SLC9A9: variants seen among roughly 807,000 people sequenced by gnomAD.
SLC9A9 encodes solute carrier family 9 member A9, also known as sodium/hydrogen exchanger 9.
Under a neutral mutation model 77.8 loss-of-function variants are expected in SLC9A9, and 62 were observed. The ratio of observed to expected loss-of-function variants is 0.80; its 90% CI spans 0.65 to 0.98. SLC9A9 has a LOEUF of 0.98. Among genes scored for constraint, SLC9A9 ranks in the 50% least tolerant of loss-of-function variants. SLC9A9 has a pLI of 0.00. For synonymous variants in SLC9A9, 320 were observed against 283.5 expected (o/e 1.13, Z -1.29); for missense variants, 775 against 774.9 (o/e 1.00, Z 0.00).
chr3:143,291,396 G>A (rs1030075482), intron 14 of SLC9A9, among the ~76,000 whole-genome samples: 4 of 152,206 alleles, frequency 2.6e-5, no homozygotes, highest in East Asian at 1.9e-4. Context: ...CTCAGGTGGT[G>A]GAAGGCCGGG....
chr3:143,473,891 A>C (rs192487992), intron 11 of SLC9A9, among the ~76,000 whole-genome samples: 2 of 152,340 alleles, frequency 1.3e-5, no homozygotes, highest in Admixed American at 6.5e-5. Flanking sequence ...TGATTAATTC[A>C]TTCAGGCTCC....
At position 143,747,373 on chromosome 3, in the gene SLC9A9, C is replaced by G. The variant is rs140154390; in HGVS notation, c.533+47628G>C. On this transcript the variant is annotated intron_variant, in intron 4 of 15. Transcript: ENST00000316549. The stretch of plus-strand genomic sequence containing the variant: ...GAGCTGAGGTTGCACCTCTGCCCCC[C>G]AGCCTGGGCAACAAGAGTGAAACTC... Among the ~76,000 whole-genome samples the G allele has an allele frequency of 7.3e-3, 1,042 of 143,278 alleles. 10 individuals are homozygous for G. Among genetic ancestry groups the G allele is most frequent in the African/African-American group, 0.026 (977 of 37,288 alleles). The allele number at this position is 143,278 out of a possible 152,430, so 94.0% of individuals were successfully genotyped here.
intron 2 of SLC9A9, among the ~76,000 whole-genome samples, chr3:143,805,179 C>G (rs2008677295): frequency 6.6e-6 from 1 of 152,106 alleles, no homozygotes; most frequent in African/African-American, 2.4e-5. Flanking sequence ...TTATTTGGAC[C>G]TTGTATCTTC....
chr3:143,472,205 T>G (rs1027856149), intron 11 of SLC9A9, among the ~76,000 whole-genome samples: 2 of 152,206 alleles, frequency 1.3e-5, no homozygotes, highest in Non-Finnish European at 2.9e-5. Flanking sequence ...TCTGTTCCAG[T>G]GTTCATGGTC....
At chr3:143,582,730 AG>A (rs1191324027) in intron 6 of SLC9A9, among the ~76,000 whole-genome samples, 1 of 152,200 alleles carries the variant, frequency 6.6e-6, no homozygotes, top group African/African-American at 2.4e-5. Flanking sequence ...CTGTGTGGGC[AG>A]GGGTCTGCTC....
At chr3:143,573,959 A>T (rs1367796069) in intron 8 of SLC9A9, 129 bp downstream of exon 8, 1 of 784,206 alleles carries the variant, frequency 1.3e-6, no homozygotes, top group Non-Finnish European at 2.2e-6. Context: ...GCTGATTCTG[A>T]CCCAAACCAT....
At chr3:143,472,101 A>G (rs891351828) in intron 11 of SLC9A9, among the ~76,000 whole-genome samples, 4 of 152,232 alleles carry the variant, frequency 2.6e-5, no homozygotes, top group African/African-American at 9.6e-5. Flanking sequence ...ATCTTGATTT[A>G]AGGTGCAAAG....
chr3:143,805,994 A>C (rs1430455168), intron 2 of SLC9A9, among the ~76,000 whole-genome samples: 1 of 151,732 alleles, frequency 6.6e-6, no homozygotes, highest in East Asian at 1.9e-4. Context: ...GAAAATAAAA[A>C]CTCACTGATC....
At chr3:143,842,241 C>T (rs1371753554) in intron 1 of SLC9A9, among the ~76,000 whole-genome samples, 3 of 152,022 alleles carry the variant, frequency 2.0e-5, no homozygotes, top group Non-Finnish European at 2.9e-5. Context: ...GTTAGCCAGG[C>T]GTGGTGGTGG....
intron 9 of SLC9A9, among the ~76,000 whole-genome samples, chr3:143,507,499 G>A (rs890645616): frequency 7.2e-5 from 11 of 152,022 alleles, no homozygotes; most frequent in Admixed American, 4.6e-4. Flanking sequence ...GAGCCACTGC[G>A]CCTGGCCCAG....
intron 12 of SLC9A9, among the ~76,000 whole-genome samples, chr3:143,414,662 G>A (rs11718728): frequency 0.18 from 26,794 of 152,128 alleles, 2,743 homozygotes; most frequent in Middle Eastern, 0.25. Flanking sequence ...TGTGTGTTCT[G>A]ACTGGTCCAC....
At chr3:143,661,451 T>G (rs539166942) in intron 5 of SLC9A9, among the ~76,000 whole-genome samples, 1 of 152,226 alleles carries the variant, frequency 6.6e-6, no homozygotes, top group South Asian at 2.1e-4. Flanking sequence ...TCGACCCCAC[T>G]GTGGCACCTG....
At chr3:143,301,577 G>A (rs2030517936) in intron 14 of SLC9A9, among the ~76,000 whole-genome samples, 1 of 152,218 alleles carries the variant, frequency 6.6e-6, no homozygotes, top group Admixed American at 6.5e-5. Context: ...CTCTGCAGAA[G>A]ATGAGACAGA....
chr3:143,687,471 T>C (rs1166485891), intron 5 of SLC9A9, among the ~76,000 whole-genome samples: 1 of 152,134 alleles, frequency 6.6e-6, no homozygotes, highest in East Asian at 1.9e-4. Flanking sequence ...AACAATTAGT[T>C]CCCAGTAAAA....
chr3:143,703,601 T>G (rs1208622962), intron 4 of SLC9A9, among the ~76,000 whole-genome samples: 2 of 151,922 alleles, frequency 1.3e-5, no homozygotes, highest in African/African-American at 4.8e-5. Flanking sequence ...TAAAAGTGCC[T>G]ATATCAAGGA....
intron 12 of SLC9A9, among the ~76,000 whole-genome samples, chr3:143,420,077 G>A (rs1373536640): frequency 6.6e-6 from 1 of 152,164 alleles, no homozygotes; most frequent in African/African-American, 2.4e-5. Context: ...TCATGTCCTA[G>A]GTGTGTTTCT....
At chr3:143,778,785 A>C (rs961705408) in intron 4 of SLC9A9, among the ~76,000 whole-genome samples, 1 of 152,224 alleles carries the variant, frequency 6.6e-6, no homozygotes, top group African/African-American at 2.4e-5. Flanking sequence ...GCTAAACTGC[A>C]CACCAATAGA....
At chr3:143,647,388 G>C (rs768274027) in intron 6 of SLC9A9, among the ~76,000 whole-genome samples, 1 of 152,108 alleles carries the variant, frequency 6.6e-6, no homozygotes, top group Non-Finnish European at 1.5e-5. Flanking sequence ...AGGATTGCTT[G>C]ACTCTATTGC....
intron 2 of SLC9A9, among the ~76,000 whole-genome samples, chr3:143,798,397 C>A (rs555811136): frequency 1.3e-5 from 2 of 152,284 alleles, no homozygotes. Flanking sequence ...CCCACATTCC[C>A]TTGGTGGCAA....
Sources: allele counts gnomAD v4.1 joint callset (sites outside exome capture counted in the v4.1 genomes callset), GRCh38; gene constraint gnomAD v4.1.1; transcripts MANE v1.5; gene names NCBI Gene and HGNC (gene_info 2026-07-23, HGNC 2026-07-21).